RNF115: variants seen among roughly 807,000 people sequenced by gnomAD.
The protein encoded by RNF115 is ring finger protein 115, also known as E3 ubiquitin-protein ligase RNF115.
Under a neutral mutation model 39.2 loss-of-function variants are expected in RNF115, and 31 were observed. That is an observed-to-expected ratio of 0.79 (90% CI 0.59 to 1.07). The LOEUF (loss-of-function observed/expected upper bound fraction) is 1.07, where lower values mean the gene tolerates loss of function less well. Among genes scored for constraint, RNF115 ranks in the 50% least tolerant of loss-of-function variants. RNF115 has a pLI of 0.00. For missense variants in RNF115, 384 were observed against 381.7 expected, an observed-to-expected ratio of 1.01 and a Z score of -0.05; for synonymous variants, 124 against 131.0, an observed-to-expected ratio of 0.95 and a Z score of 0.37.
At chr1:145,775,372 T>C (rs1553716380) in intron 3 of RNF115, among the ~76,000 whole-genome samples, 1 of 149,868 alleles carries the variant, frequency 6.7e-6, no homozygotes, top group African/African-American at 2.4e-5. Context: ...CAATATATAA[T>C]AATAAAAGTT....
chr1:145,768,107 G>A (rs1190033903), intron 4 of RNF115, among the ~76,000 whole-genome samples: 1 of 152,250 alleles, frequency 6.6e-6, no homozygotes, highest in Non-Finnish European at 1.5e-5. Context: ...GTGAGTGAAG[G>A]TCAGAGCCTA....
At position 145,746,255 on chromosome 1, in the gene RNF115, A is replaced by G. The variant is rs1553711735; in HGVS notation, c.*611T>C. 6.6e-6 allele frequency: 1 copy of G among 152,036 alleles called. No homozygotes were observed. Among genetic ancestry groups the G allele is most frequent in the Non-Finnish European group, 1.5e-5 (1 of 68,018 alleles). The allele number at this position is 152,036 out of a possible 1,614,324, so 9.4% of individuals were successfully genotyped here. A position where few individuals can be genotyped will look rare whatever the true frequency, so the allele number is the denominator to read the frequency against. On this transcript the variant is annotated 3_prime_UTR_variant, in exon 9 of 9. Transcript: ENST00000582693. The stretch of plus-strand genomic sequence containing the variant: ...AAAAAAAACAAAAAAAATTAAAATA[A>G]GAAAACCAAAGCACACAATGATAAA...
intron 3 of RNF115, chr1:145,772,191 C>A: frequency 3.5e-6 from 1 of 288,182 alleles, no homozygotes. Flanking sequence ...TGTGCCACAT[C>A]CTGGCAAGCA....
intron 1 of RNF115, among the ~76,000 whole-genome samples, chr1:145,808,813 A>T: frequency 6.6e-6 from 1 of 152,294 alleles, no homozygotes. Flanking sequence ...AGAGATCAGG[A>T]TCTAATAACT....
chr1:145,767,250 CT>C (rs1647368483), intron 4 of RNF115, among the ~76,000 whole-genome samples: 203 of 148,140 alleles, frequency 1.4e-3, no homozygotes, highest in African/African-American at 4.9e-3. Context: ...CTCCTCACTT[CT>C]CAGACGGTGT....
intron 3 of RNF115, among the ~76,000 whole-genome samples, chr1:145,775,022 G>A (rs2101539059): frequency 6.6e-6 from 1 of 152,258 alleles, no homozygotes; most frequent in East Asian, 1.9e-4. Flanking sequence ...CAAGGCAGGA[G>A]GATCGCTTGA....
chr1:145,780,573 T>C (rs889661077), intron 3 of RNF115, among the ~76,000 whole-genome samples: 3 of 144,428 alleles, frequency 2.1e-5, no homozygotes, highest in Non-Finnish European at 4.5e-5. Flanking sequence ...TGAGCCGAGA[T>C]TGCGCCACTG....
chr1:145,752,686 TC>T (rs1658137931), intron 5 of RNF115, among the ~76,000 whole-genome samples: 1 of 141,938 alleles, frequency 7.0e-6, no homozygotes, highest in East Asian at 2.2e-4. Context: ...CCTCCCGGGT[TC>T]AAGTGATTCT....
At chr1:145,784,155 A>G (rs1266040023) in intron 3 of RNF115, among the ~76,000 whole-genome samples, 1 of 152,212 alleles carries the variant, frequency 6.6e-6, no homozygotes, top group Non-Finnish European at 1.5e-5. Flanking sequence ...GACTTCGACA[A>G]CTTATCCTGG....
intron 3 of RNF115, among the ~76,000 whole-genome samples, chr1:145,776,664 G>A (rs941727098): frequency 9.2e-5 from 14 of 151,724 alleles, no homozygotes; most frequent in Admixed American, 3.9e-4. Context: ...GTGAAACCCC[G>A]TCTCTACTAA....
In RNF115 at chr1:145,739,670, C is replaced by T. The variant is rs2101425400; in HGVS notation, c.*7196G>A. On this transcript the variant is annotated 3_prime_UTR_variant, in exon 9 of 9. Coordinates refer to ENST00000582693, the MANE Select transcript of RNF115 (RefSeq NM_014455.4). ...TCTCAGCTCACTGCAACCTCCACCT[C>T]CCGGGTTCAAGCAATTCTCCTGCCT... 1 of 152,090 alleles carries T rather than the reference C, an allele frequency of 6.6e-6. No individual in the cohort carries two copies. Among genetic ancestry groups the T allele is most frequent in the Admixed American group, 6.5e-5 (1 of 15,274 alleles). The allele number at this position is 152,090 out of a possible 1,614,324, so 9.4% of individuals were successfully genotyped here.
chr1:145,758,273 T>C (rs781893021), intron 4 of RNF115, among the ~76,000 whole-genome samples: 1 of 152,138 alleles, frequency 6.6e-6, no homozygotes, highest in African/African-American at 2.4e-5. Context: ...CCAAGTAATA[T>C]GGACATTCAA....
intron 4 of RNF115, among the ~76,000 whole-genome samples, chr1:145,762,484 G>A (rs919002483): frequency 1.3e-5 from 2 of 152,006 alleles, no homozygotes; most frequent in African/African-American, 2.4e-5. Flanking sequence ...TATCTTGAAA[G>A]ATATATACAA....
intron 4 of RNF115, among the ~76,000 whole-genome samples, chr1:145,771,187 G>A (rs1381852000): frequency 6.6e-6 from 1 of 152,218 alleles, no homozygotes; most frequent in African/African-American, 2.4e-5. Context: ...TGAATCTCCT[G>A]TGAGTGGATT....
chr1:145,753,721 T>C (rs587597664), intron 4 of RNF115, among the ~76,000 whole-genome samples: 1 of 152,294 alleles, frequency 6.6e-6, no homozygotes, highest in East Asian at 1.9e-4. Flanking sequence ...GATATGCAAT[T>C]TTTTTTCTTT....
intron 6 of RNF115, among the ~76,000 whole-genome samples, chr1:145,751,012 G>A (rs1658067286): frequency 6.6e-6 from 1 of 152,108 alleles, no homozygotes; most frequent in Admixed American, 6.6e-5. Context: ...ATAAACAAGT[G>A]GAAGCAATTA....
At chr1:145,789,038 A>C in intron 1 of RNF115, 72 bp from the exon 2 acceptor site, 1 of 911,668 alleles carries the variant, frequency 1.1e-6, no homozygotes, top group Non-Finnish European at 1.8e-6. Context: ...GTTTCAGAAT[A>C]ACATGCAGTA....
At chr1:145,817,937 T>G (rs1403096602) in intron 1 of RNF115, among the ~76,000 whole-genome samples, 1 of 127,266 alleles carries the variant, frequency 7.9e-6, no homozygotes, top group South Asian at 2.7e-4. Flanking sequence ...GGTTTTGTTT[T>G]TTTTAAATAG....
intron 1 of RNF115, among the ~76,000 whole-genome samples, chr1:145,791,500 G>A (rs1379696255): frequency 7.0e-5 from 10 of 143,834 alleles, no homozygotes; most frequent in Non-Finnish European, 1.1e-4. Flanking sequence ...CAACAAGAGC[G>A]AAACTCCACC....
Sources: gnomAD v4.1 joint callset for allele counts (sites outside exome capture counted in the v4.1 genomes callset) on GRCh38, gnomAD v4.1.1 for gene constraint, MANE v1.5 for transcripts, NCBI Gene and HGNC (gene_info 2026-07-23, HGNC 2026-07-21) for gene names.